MYO15A: variants seen among roughly 807,000 people sequenced by gnomAD.
The protein encoded by MYO15A is myosin XVA, also known as unconventional myosin-XV.
A neutral mutation model predicts 394.6 loss-of-function variants in MYO15A; 308 were observed. The observed-to-expected ratio is 0.78, with a 90% CI of 0.71 to 0.86. The LOEUF is 0.86. MYO15A is among the 40% of genes least tolerant of loss of function. MYO15A has a pLI of 0.00. For missense variants in MYO15A, 4,606 were observed against 4,799.1 expected, an observed-to-expected ratio of 0.96 and a Z score of 1.19; for synonymous variants, 1,957 against 2,003.8, an observed-to-expected ratio of 0.98 and a Z score of 0.62.
chr17:18,111,896 T>TG (rs766225088), intron 1 of MYO15A, among the ~76,000 whole-genome samples: 6 of 152,172 alleles, frequency 3.9e-5, no homozygotes, highest in Non-Finnish European at 5.9e-5. Context: ...CTGCATGACT[T>TG]GCTATGGGTC....
intron 51 of MYO15A, 97 bp downstream of exon 51, chr17:18,157,997 C>A (rs968032247): frequency 4.7e-5 from 67 of 1,415,140 alleles, no homozygotes; most frequent in Non-Finnish European, 5.9e-5. Flanking sequence ...GGCCAAGGGC[C>A]TGGCCAGGCT....
chr17:18,172,537 A>C (rs2142432167), intron 64 of MYO15A: 1 of 585,010 alleles, frequency 1.7e-6, no homozygotes, highest in Non-Finnish European at 3.1e-6. Context: ...CTATGCACTC[A>C]AATAGTACAT....
intron 28 of MYO15A, 96 bp downstream of exon 28, chr17:18,144,096 C>A: frequency 6.4e-7 from 1 of 1,568,408 alleles, no homozygotes; most frequent in South Asian, 1.1e-5. Flanking sequence ...CCTGGCTGTG[C>A]CCTGTGGTGT....
chr17:18,139,911 T>C (rs2142332238), intron 19 of MYO15A, among the ~76,000 whole-genome samples: 1 of 152,350 alleles, frequency 6.6e-6, no homozygotes, highest in East Asian at 1.9e-4. Context: ...CCTTGCCCTG[T>C]ACTTACCCCA....
In MYO15A at chr17:18,171,628, C is replaced by G. The variant is rs556554471; in HGVS notation, c.10083-10C>G. The G allele has an allele frequency of 3.7e-6, 6 of 1,613,802 alleles. No individual in the cohort carries two copies. The highest frequency in any genetic ancestry group is 5.1e-6 in the Non-Finnish European group (6 of 1,180,058). On this transcript the variant is annotated splice_polypyrimidine_tract_variant and intron_variant, in intron 62 of 65. Transcript: ENST00000647165. ...CACTCAGGACCTTTTTCCCCTTCCTCCGTACACAGGCGGGAAGTCCAGGAG... is the reference window on the plus strand; with the variant it reads ...CACTCAGGACCTTTTTCCCCTTCCTGCGTACACAGGCGGGAAGTCCAGGAG...
At chr17:18,126,671 C>T (rs1319258647) in intron 5 of MYO15A, 120 bp from the exon 6 acceptor site, 11 of 1,270,890 alleles carry the variant, frequency 8.7e-6, no homozygotes, top group Middle Eastern at 2.4e-4. Flanking sequence ...AGCATTCCCC[C>T]AACAGGGTGA....
intron 42 of MYO15A, among the ~76,000 whole-genome samples, chr17:18,152,750 T>C (rs911455879): frequency 2.0e-5 from 3 of 152,156 alleles, no homozygotes; most frequent in Non-Finnish European, 4.4e-5. Flanking sequence ...TGTTCCTCTC[T>C]GTTCTCGGAA....
At chr17:18,178,285 G>A (rs770306872) in intron 65 of MYO15A, 25 of 262,458 alleles carry the variant, frequency 9.5e-5, no homozygotes, top group South Asian at 2.9e-4. Flanking sequence ...CAGGAGAATC[G>A]CTTAAACCTG....
rs768105389 is a variant in MYO15A at position 18,151,807 on chromosome 17, A to G, written c.7788-39A>G. 47 of 1,524,044 alleles carry G rather than the reference A, an allele frequency of 3.1e-5. No homozygotes were observed. In the South Asian group the frequency reaches 5.5e-4, roughly 18 times the overall value. The allele number at this position is 1,524,044 out of a possible 1,614,324, so 94.4% of individuals were successfully genotyped here. On this transcript the variant is annotated intron_variant, in intron 40 of 65. Transcript: ENST00000647165. The stretch of plus-strand genomic sequence containing the variant: ...TCAAACTATGTGATGGGAAAGGGAG[A>G]CTCAGTGTCAACCCACCACAGTACT...
rs377492172 is a variant in MYO15A, at chr17:18,151,970, G to A, written c.7893+19G>A. 26 of 1,551,622 alleles carry A rather than the reference G, an allele frequency of 1.7e-5. No homozygotes were observed. The Admixed American group carries it at 1.8e-4, about 11-fold the overall frequency. On this transcript the variant is annotated intron_variant, in intron 41 of 65. Coordinates refer to ENST00000647165, the MANE Select transcript of MYO15A (RefSeq NM_016239.4). ...CACCCAGGTGAGGGGGGAAGGTGGGGCTGAGCCCAGGTGGAACAGAAGACA... is the reference window on the plus strand; with the variant it reads ...CACCCAGGTGAGGGGGGAAGGTGGGACTGAGCCCAGGTGGAACAGAAGACA...
intron 9 of MYO15A, 47 bp from the exon 10 acceptor site, chr17:18,131,418 ACAC>A: frequency 6.2e-7 from 1 of 1,613,134 alleles, no homozygotes; most frequent in South Asian, 1.1e-5. Flanking sequence ...CTCGGAGCCA[ACAC>A]CAGCCCTCCT....
In MYO15A at chr17:18,159,603, C is replaced by T; in HGVS notation, c.9230-3C>T. The T allele has an allele frequency of 6.2e-7, 1 of 1,614,000 alleles. No individual in the cohort carries two copies. The highest frequency in any genetic ancestry group is 8.5e-7 in the Non-Finnish European group (1 of 1,180,008). On this transcript the variant is annotated splice_polypyrimidine_tract_variant and splice_region_variant and intron_variant, in intron 54 of 65. Coordinates refer to ENST00000647165, the MANE Select transcript of MYO15A (RefSeq NM_016239.4). ...GTCTGAGTGGGATAGGTCTTTCCTA[C>T]AGCTGTAATGAGGTTCATGGGGGAT...
At position 18,138,962 on chromosome 17, in the gene MYO15A, A is replaced by C. The variant is rs2075658; in HGVS notation, c.5133+26A>C. The C allele has an allele frequency of 0.73, 1,173,528 of 1,603,124 alleles. 432,008 individuals are homozygous for C. The highest frequency in any genetic ancestry group is 0.8 in the African/African-American group (60,150 of 74,894). ...GTGAGCCCTAAGACAGTCGGCCTGG[A>C]CGCTGGTGCTGCAGTGCTGCTAGCT... On this transcript the variant is annotated intron_variant, in intron 18 of 65. Coordinates refer to ENST00000647165, the MANE Select transcript of MYO15A (RefSeq NM_016239.4).
rs2046595616 is a variant in MYO15A, at chr17:18,152,150, C to G, written c.7932C>G (p.Thr2644=). The part of the protein sequence containing the change: ...REAVALVKPV[T]SAPRPSMAPT... ...CCGTGGCCCTGGTGAAGCCGGTGAC[C>G]AGTGCACCAAGGCCATCCATGGCAC... Residue 2644 remains threonine, a synonymous_variant, in exon 42 of 66, where the codon ACC becomes ACG. Coordinates refer to ENST00000647165, the MANE Select transcript of MYO15A (RefSeq NM_016239.4). The G allele has an allele frequency of 6.4e-7, 1 of 1,551,704 alleles. No individual in the cohort carries two copies. Among genetic ancestry groups the G allele is most frequent in the East Asian group, 2.4e-5 (1 of 41,030 alleles).
intron 1 of MYO15A, among the ~76,000 whole-genome samples, chr17:18,116,910 A>C (rs1422292867): frequency 1.5e-5 from 2 of 134,722 alleles, no homozygotes; most frequent in Admixed American, 7.5e-5. Flanking sequence ...ACAGAGCGAG[A>C]CTCTGTCTCA....
chr17:18,124,968 A>C (rs970212615), intron 3 of MYO15A, 200 bp from the exon 4 acceptor site: 2 of 632,366 alleles, frequency 3.2e-6, no homozygotes. Context: ...AGGTACAATG[A>C]TTATCATACC....
intron 64 of MYO15A, chr17:18,172,750 G>T: frequency 3.5e-6 from 1 of 282,288 alleles, no homozygotes; most frequent in South Asian, 3.7e-5. Flanking sequence ...GTATCTCTGT[G>T]TATCCAAATT....
rs776352434 is a variant in MYO15A at position 18,122,061 on chromosome 17, C to T, written c.3261C>T (p.Ala1087=). ...PWHRWGTLPQ[A]AAPLAPIRAP... ...ACCGCTGGGGAACACTGCCCCAAGC[C>T]GCAGCCCCCTTGGCGCCCATCAGGG... The change falls in exon 2 of 66, where the codon GCC becomes GCT. Residue 1087 remains alanine, a synonymous_variant. Transcript: ENST00000647165. 26 of 1,612,830 alleles carry T rather than the reference C, an allele frequency of 1.6e-5. No individual in the cohort carries two copies. Among genetic ancestry groups the T allele is most frequent in the African/African-American group, 2.7e-5 (2 of 74,952 alleles).
intron 4 of MYO15A, 151 bp downstream of exon 4, chr17:18,125,382 T>G (rs1233724975): frequency 1.3e-6 from 1 of 780,724 alleles, no homozygotes; most frequent in Non-Finnish European, 2.2e-6. Context: ...TCTGAAGTCT[T>G]AAAACACAGT....
Sources: gnomAD v4.1 joint callset for allele counts (sites outside exome capture counted in the v4.1 genomes callset) on GRCh38, gnomAD v4.1.1 for gene constraint, MANE v1.5 for transcripts, NCBI Gene and HGNC (gene_info 2026-07-23, HGNC 2026-07-21) for gene names.